Variants in CCDC144A observed in about 807,000 individuals in gnomAD.
The protein encoded by CCDC144A is coiled-coil domain containing 144A.
CCDC144A carries 41 observed loss-of-function variants against 143.8 expected under a neutral mutation model. The ratio of observed to expected loss-of-function variants is 0.29; its 90% CI spans 0.22 to 0.37. CCDC144A has a LOEUF of 0.37. CCDC144A is among the 10% of genes least tolerant of loss of function. CCDC144A has a pLI of 1.00. For missense variants in CCDC144A, 637 were observed against 1,488.8 expected (o/e 0.43, Z 9.41); for synonymous variants, 242 against 517.9 (o/e 0.47, Z 7.23).
intron 6 of CCDC144A, among the ~76,000 whole-genome samples, chr17:16,717,793 T>A (rs1007435174): frequency 3.3e-5 from 5 of 152,240 alleles, no homozygotes; most frequent in Non-Finnish European, 7.3e-5. Flanking sequence ...AAATTTTTTT[T>A]ATTTGTTATC....
intron 9 of CCDC144A, among the ~76,000 whole-genome samples, chr17:16,728,761 T>C (rs1913556846): frequency 6.6e-6 from 1 of 152,160 alleles, no homozygotes; most frequent in Admixed American, 6.6e-5. Context: ...CTTCTGATTC[T>C]CCGATGTCCA....
At chr17:16,721,967 C>T (rs1321648269) in intron 8 of CCDC144A, among the ~76,000 whole-genome samples, 1 of 152,180 alleles carries the variant, frequency 6.6e-6, no homozygotes, top group Non-Finnish European at 1.5e-5. Flanking sequence ...GCACTGGCTT[C>T]AGTGCAATGC....
rs1914491399 is a variant in CCDC144A at position 16,746,098 on chromosome 17, T to C, written c.3372+10455T>C. On this transcript the variant is annotated intron_variant, in intron 12 of 16. Coordinates refer to ENST00000399273, the MANE Select transcript of CCDC144A (RefSeq NM_001382000.1). ...AGCGAGCCTTCCACGGGCCTGGCTT[T>C]TACGACTGCACCGGGAGCACAGGAT... 2.5e-6 allele frequency: 4 copies of C among 1,601,418 alleles called. No homozygotes were observed. In the Admixed American group the frequency reaches 6.7e-5, roughly 27 times the overall value.
At chr17:16,667,509 G>C in the CCDC144A span, among the ~76,000 whole-genome samples, 1,162 of 152,276 alleles carry the variant, frequency 7.6e-3, 8 homozygotes, top group Non-Finnish European at 0.012. Flanking sequence ...GGCGGGCAGC[G>C]TGCCGGGTCC....
intron 3 of CCDC144A, chr17:16,705,646 G>C: frequency 8.7e-6 from 4 of 460,816 alleles, no homozygotes; most frequent in South Asian, 8.5e-5. Flanking sequence ...TAGAATATAG[G>C]GACTAAGTAT....
intron 6 of CCDC144A, among the ~76,000 whole-genome samples, chr17:16,715,473 T>C (rs1167539970): frequency 6.6e-6 from 1 of 152,198 alleles, no homozygotes; most frequent in East Asian, 1.9e-4. Context: ...AATATTGTCA[T>C]TACTCACTAT....
chr17:16,686,990 A>C (rs1004529655), upstream of CCDC144A, among the ~76,000 whole-genome samples: 1 of 152,086 alleles, frequency 6.6e-6, no homozygotes, highest in African/African-American at 2.4e-5. Flanking sequence ...TAGGGTTTTT[A>C]GGTCTGTTTT....
the CCDC144A span, among the ~76,000 whole-genome samples, chr17:16,674,467 TA>T: frequency 2.6e-5 from 4 of 151,322 alleles, no homozygotes; most frequent in East Asian, 3.9e-4. Flanking sequence ...AAATCTCTGT[TA>T]AAAAAAATTT....
Position 16,708,786 on chromosome 17 carries a change from G to T in CCDC144A, c.739-10G>T, listed in dbSNP as rs1912200828. 1.9e-6 allele frequency: 3 copies of T among 1,611,502 alleles called. No individual in the cohort carries two copies. Among genetic ancestry groups the T allele is most frequent in the African/African-American group, 1.3e-5 (1 of 74,826 alleles). ...ACAAGCAAATTAATCTTCCACTTTT[G>T]CATCTGCAGAAAACGTCTCAAGAAC... On this transcript the variant is annotated splice_polypyrimidine_tract_variant and intron_variant, in intron 4 of 16. Transcript: ENST00000399273.
intron 11 of CCDC144A, among the ~76,000 whole-genome samples, chr17:16,732,969 T>A (rs901088605): frequency 1.6e-4 from 24 of 151,608 alleles, no homozygotes; most frequent in Non-Finnish European, 3.4e-4. Flanking sequence ...AATCTCAAAA[T>A]CCTTGCTACT....
At chr17:16,714,988 T>C (rs2143151397) in intron 6 of CCDC144A, among the ~76,000 whole-genome samples, 1 of 152,362 alleles carries the variant, frequency 6.6e-6, no homozygotes, top group East Asian at 1.9e-4. Flanking sequence ...CTCCTGGCTT[T>C]CTTTTTCCAT....
intron 2 of CCDC144A, among the ~76,000 whole-genome samples, chr17:16,701,396 G>T (rs1319105609): frequency 2.0e-5 from 3 of 148,854 alleles, no homozygotes; most frequent in East Asian, 1.9e-4. Context: ...CACTCTTGGT[G>T]TTGTACATTC....
chr17:16,699,477 A>G (rs1302745087), intron 2 of CCDC144A, among the ~76,000 whole-genome samples: 252 of 92,644 alleles, frequency 2.7e-3, no homozygotes, highest in African/African-American at 5.4e-3. Flanking sequence ...CCGGGTTCAC[A>G]CCATTCTCCT....
intron 6 of CCDC144A, among the ~76,000 whole-genome samples, chr17:16,715,497 A>G (rs1184988369): frequency 2.6e-5 from 4 of 152,164 alleles, no homozygotes; most frequent in Non-Finnish European, 4.4e-5. Context: ...TTCTTTTACT[A>G]ATAATCATGA....
the CCDC144A span, among the ~76,000 whole-genome samples, chr17:16,669,393 C>T: frequency 6.6e-6 from 1 of 152,204 alleles, no homozygotes; most frequent in Non-Finnish European, 1.5e-5. Flanking sequence ...ACCCGGAACA[C>T]ACATTTTATT....
At chr17:16,732,279 T>G (rs1373727119) in intron 10 of CCDC144A, among the ~76,000 whole-genome samples, 2 of 144,696 alleles carry the variant, frequency 1.4e-5, no homozygotes, top group Non-Finnish European at 3.0e-5. Context: ...TTTGAAACTA[T>G]AAGGACACTA....
At chr17:16,677,429 G>A in the CCDC144A span, among the ~76,000 whole-genome samples, 118 of 152,200 alleles carry the variant, frequency 7.8e-4, 1 homozygote, top group East Asian at 1.7e-3. Flanking sequence ...CAGGGTGACC[G>A]GATGCTGTAG....
chr17:16,678,422 C>T, the CCDC144A span, among the ~76,000 whole-genome samples: 1,467 of 152,066 alleles, frequency 9.6e-3, 40 homozygotes, highest in African/African-American at 0.034. Flanking sequence ...ATGTTTGGTT[C>T]CCTATAGAAA....
At chr17:16,702,234 C>A (rs61358985) in intron 2 of CCDC144A, among the ~76,000 whole-genome samples, 3,550 of 152,264 alleles carry the variant, frequency 0.023, 140 homozygotes, top group African/African-American at 0.081. Flanking sequence ...TACTCCCTGG[C>A]AACCTGCCAC....
Sources: gnomAD v4.1 joint callset for allele counts (sites outside exome capture counted in the v4.1 genomes callset) on GRCh38, gnomAD v4.1.1 for gene constraint, MANE v1.5 for transcripts, NCBI Gene and HGNC (gene_info 2026-07-23, HGNC 2026-07-21) for gene names.